Variants in RNF212B observed in about 807,000 individuals in gnomAD.
RNF212B encodes the protein ring finger protein 212B.
RNF212B carries 52 observed loss-of-function variants against 55.5 expected under a neutral mutation model. The ratio of observed to expected loss-of-function variants is 0.94; its 90% CI spans 0.75 to 1.18. RNF212B has a LOEUF of 1.18. Ranked by LOEUF, RNF212B falls within the 50% of genes most tolerant of loss-of-function variation. The pLI is 0.00. For synonymous variants in RNF212B, 99 were observed against 121.4 expected (o/e 0.82, Z 1.21); for missense variants, 289 against 350.4 (o/e 0.82, Z 1.40).
intron 11 of RNF212B, among the ~76,000 whole-genome samples, chr14:23,265,748 T>C (rs1488611776): frequency 1.3e-5 from 2 of 152,230 alleles, no homozygotes; most frequent in African/African-American, 4.8e-5. Flanking sequence ...TATTACTTCT[T>C]CTATTATCTG....
chr14:23,234,730 C>T (rs928733379), upstream of RNF212B, among the ~76,000 whole-genome samples: 5 of 152,222 alleles, frequency 3.3e-5, no homozygotes, highest in African/African-American at 1.2e-4. Context: ...GGGGCTAACG[C>T]CCCACTCCAC....
rs1385833194 is a variant in RNF212B at position 23,273,034 on chromosome 14, C to T, written c.*143C>T. ...GTACCTTATGCTCCCCCCATCTTTA[C>T]CCTATTCACCCTTATCACCTCCCAG... On this transcript the variant is annotated 3_prime_UTR_variant, in exon 15 of 15. Transcript: ENST00000430154. 1.3e-5 allele frequency: 7 copies of T among 531,682 alleles called. No homozygotes were observed. The highest frequency in any genetic ancestry group is 1.3e-4 in the South Asian group (5 of 38,788). The allele number at this position is 531,682 out of a possible 1,614,324, so 32.9% of individuals were successfully genotyped here. A position where few individuals can be genotyped will look rare whatever the true frequency, so the allele number is the denominator to read the frequency against.
In RNF212B at chr14:23,208,295, T is replaced by C. The variant is rs187539512; in HGVS notation, c.-2+14894T>C. ...CCAGCACATTGGACGAGAAGATCACTGGAGGCCAGGAGTTTGAGACCCTGT... is the reference window on the plus strand; with the variant it reads ...CCAGCACATTGGACGAGAAGATCACCGGAGGCCAGGAGTTTGAGACCCTGT... On this transcript the variant is annotated intron_variant, in intron 2 of 15. Coordinates refer to the RNF212B transcript ENST00000399910. 7.2e-5 allele frequency among the ~76,000 whole-genome samples: 11 copies of C among 152,288 alleles called. No homozygotes were observed. In the East Asian group the frequency reaches 1.9e-3, roughly 27 times the overall value.
intron 3 of RNF212B, 56 bp from the exon 4 acceptor site, chr14:23,244,266 T>G: frequency 1.2e-5 from 12 of 980,660 alleles, no homozygotes; most frequent in Non-Finnish European, 1.7e-5. Flanking sequence ...TGTTAGTCAG[T>G]ATTTTATTTT....
chr14:23,224,687 G>A (rs1318705190), intron 2 of RNF212B, among the ~76,000 whole-genome samples: 10 of 152,138 alleles, frequency 6.6e-5, no homozygotes, highest in South Asian at 2.1e-4. Flanking sequence ...CAGGACACTG[G>A]TCCGGGCAAA....
intron 2 of RNF212B, among the ~76,000 whole-genome samples, chr14:23,217,970 C>T (rs756962822): frequency 2.7e-4 from 41 of 151,936 alleles, no homozygotes; most frequent in Non-Finnish European, 3.5e-4. Flanking sequence ...TTTTAAGGAA[C>T]TCAAAAAAAT....
At chr14:23,247,668 A>G (rs1176538018) in intron 4 of RNF212B, among the ~76,000 whole-genome samples, 1 of 152,216 alleles carries the variant, frequency 6.6e-6, no homozygotes, top group Non-Finnish European at 1.5e-5. Flanking sequence ...TTATCCATTC[A>G]TTAGTCAATA....
upstream of RNF212B, among the ~76,000 whole-genome samples, chr14:23,237,512 C>A (rs149839803): frequency 6.6e-6 from 1 of 152,172 alleles, no homozygotes; most frequent in Admixed American, 6.5e-5. Context: ...TTGTCCGCAT[C>A]ATTTTTAAAT....
At chr14:23,223,993 C>A (rs1372653689) in intron 2 of RNF212B, among the ~76,000 whole-genome samples, 1 of 151,868 alleles carries the variant, frequency 6.6e-6, no homozygotes, top group Non-Finnish European at 1.5e-5. Context: ...TTTACAACAG[C>A]CACATATAAA....
At chr14:23,223,755 G>T (rs1881773544) in intron 2 of RNF212B, among the ~76,000 whole-genome samples, 1 of 152,130 alleles carries the variant, frequency 6.6e-6, no homozygotes, top group African/African-American at 2.4e-5. Flanking sequence ...TCAGACAAGA[G>T]AAAGAAATAA....
intron 4 of RNF212B, among the ~76,000 whole-genome samples, chr14:23,244,732 T>C (rs1026826697): frequency 2.6e-5 from 4 of 152,232 alleles, no homozygotes; most frequent in African/African-American, 7.2e-5. Context: ...TTTGAGTATA[T>C]AGGCCTGGCC....
At chr14:23,214,929 T>G (rs1880920900) in intron 2 of RNF212B, among the ~76,000 whole-genome samples, 1 of 152,196 alleles carries the variant, frequency 6.6e-6, no homozygotes, top group African/African-American at 2.4e-5. Flanking sequence ...CATATCATAA[T>G]TAACACTAAT....
chr14:23,259,273 C>T (rs1409006656), intron 5 of RNF212B, among the ~76,000 whole-genome samples: 1 of 151,420 alleles, frequency 6.6e-6, no homozygotes, highest in African/African-American at 2.4e-5. Flanking sequence ...ATTGTAGCCT[C>T]AATCTCCTGG....
At chr14:23,258,338 CAAA>C (rs1213381274) in intron 4 of RNF212B, 690 of 152,198 alleles carry the variant, frequency 4.5e-3, no homozygotes, top group East Asian at 8.4e-3. Flanking sequence ...AACTCTGTCT[CAAA>C]AAAAAAAAAA....
chr14:23,269,955 A>G lies in RNF212B; in HGVS notation c.767A>G (p.Asn256Ser). Residue 256 changes from asparagine (N) to serine (S), a missense_variant, in exon 13 of 15, where the codon AAT becomes AGT. Physicochemically the swap from Asn to Ser is conservative, Grantham distance 46. Coordinates refer to ENST00000430154, the MANE Select transcript of RNF212B (RefSeq NM_001282322.3). ...SGHTRVLTPNNFAQRESTTTL... is the reference protein window; with the variant it reads ...SGHTRVLTPNSFAQRESTTTL... ...CACACAAGAGTCCTCACCCCCAACAATTTTGGTAAGTTAAATAACATTTCC... is the reference window on the plus strand; with the variant it reads ...CACACAAGAGTCCTCACCCCCAACAGTTTTGGTAAGTTAAATAACATTTCC... 1 of 1,524,588 alleles carries G rather than the reference A, an allele frequency of 6.6e-7. No homozygotes were observed. 94.4% of individuals were successfully genotyped at this position (1,524,588 alleles called of 1,614,324 possible). A position where few individuals can be genotyped will look rare whatever the true frequency, so the allele number is the denominator to read the frequency against.
In RNF212B at chr14:23,220,591, T is replaced by C. The variant is rs1594893714; in HGVS notation, c.-1-19754T>C. On this transcript the variant is annotated intron_variant, in intron 2 of 15. Coordinates refer to the RNF212B transcript ENST00000399910. ...CTGTAATCCCAGCACTTTGGGAGGC[T>C]GAGGCAGGTGGATCACGAGGTCAGG... Among the ~76,000 whole-genome samples, 4 of 151,692 alleles carry C rather than the reference T, an allele frequency of 2.6e-5. No homozygotes were observed. The South Asian group carries it at 8.3e-4, about 32-fold the overall frequency.
chr14:23,219,251 A>C (rs1881350897), intron 2 of RNF212B, among the ~76,000 whole-genome samples: 1 of 152,226 alleles, frequency 6.6e-6, no homozygotes, highest in South Asian at 2.1e-4. Context: ...ATCGGAAGGT[A>C]CGAAACTCAC....
intron 1 of RNF212B, among the ~76,000 whole-genome samples, chr14:23,190,484 A>G (rs575076282): frequency 6.6e-6 from 1 of 152,258 alleles, no homozygotes; most frequent in Admixed American, 6.5e-5. Flanking sequence ...TCTTTTTCTC[A>G]TATATCCTAC....
intron 2 of RNF212B, among the ~76,000 whole-genome samples, chr14:23,227,592 G>A (rs1353603567): frequency 2.7e-5 from 4 of 149,764 alleles, no homozygotes; most frequent in South Asian, 2.1e-4. Flanking sequence ...ACATTAAATC[G>A]AACAAAAAGT....
Sources: gnomAD v4.1 joint callset for allele counts (sites outside exome capture counted in the v4.1 genomes callset) on GRCh38, gnomAD v4.1.1 for gene constraint, MANE v1.5 for transcripts, NCBI Gene and HGNC (gene_info 2026-07-23, HGNC 2026-07-21) for gene names.